Variants in THEMIS observed in about 807,000 individuals in gnomAD.
The protein encoded by THEMIS is thymocyte selection associated, also known as protein THEMIS.
THEMIS carries 37 observed loss-of-function variants against 52.6 expected under a neutral mutation model. That is an observed-to-expected ratio of 0.70 (90% CI 0.54 to 0.93). THEMIS has a LOEUF of 0.93. Among genes scored for constraint, THEMIS ranks in the 40% least tolerant of loss-of-function variants. The pLI, the probability that THEMIS is intolerant of heterozygous loss-of-function variation, is 0.00. For synonymous variants in THEMIS, 292 were observed against 272.7 expected (o/e 1.07, Z -0.70); for missense variants, 808 against 763.1 (o/e 1.06, Z -0.69).
intron 5 of THEMIS, among the ~76,000 whole-genome samples, chr6:127,713,799 T>C (rs1360565096): frequency 3.3e-5 from 5 of 151,454 alleles, no homozygotes; most frequent in Non-Finnish European, 7.4e-5. Flanking sequence ...TCCAGAGTAG[T>C]GAGAAAGGAG....
At position 127,856,673 on chromosome 6, in the gene THEMIS, G is replaced by T. The variant is rs191426327; in HGVS notation, c.92-1485C>A. Among the ~76,000 whole-genome samples, 23 of 152,026 alleles carry T rather than the reference G, an allele frequency of 1.5e-4. No individual in the cohort carries two copies. The East Asian group carries it at 3.7e-3, about 24-fold the overall frequency. On this transcript the variant is annotated intron_variant, in intron 1 of 5. Transcript: ENST00000368248. Reference sequence around the variant, plus strand: ...TAAGGATAGTCTATCCATTCCTCAAGCTTCCGGTACATATTTCCATAACCC... The same window carrying T: ...TAAGGATAGTCTATCCATTCCTCAATCTTCCGGTACATATTTCCATAACCC...
chr6:127,732,745 TGAA>T (rs1241421668), intron 4 of THEMIS, among the ~76,000 whole-genome samples: 3 of 152,214 alleles, frequency 2.0e-5, no homozygotes, highest in Non-Finnish European at 4.4e-5. Context: ...ACTCTACTAC[TGAA>T]GAATATTTGA....
intron 1 of THEMIS, among the ~76,000 whole-genome samples, chr6:127,866,661 A>G (rs1228314572): frequency 6.6e-6 from 1 of 151,974 alleles, no homozygotes; most frequent in East Asian, 1.9e-4. Context: ...TGAGAGATAT[A>G]ATATTTAAAA....
At chr6:127,720,797 C>G (rs1774335889) in intron 4 of THEMIS, among the ~76,000 whole-genome samples, 1 of 151,958 alleles carries the variant, frequency 6.6e-6, no homozygotes. Context: ...TTAAATAATT[C>G]ACTTGAGTTA....
chr6:127,816,883 T>A (rs531142376), intron 3 of THEMIS, among the ~76,000 whole-genome samples: 52 of 152,280 alleles, frequency 3.4e-4, no homozygotes, highest in African/African-American at 1.1e-3. Flanking sequence ...CAGTCAGATC[T>A]TTGCACAGCC....
At chr6:127,722,447 A>G (rs1033087503) in intron 4 of THEMIS, among the ~76,000 whole-genome samples, 3 of 151,218 alleles carry the variant, frequency 2.0e-5, no homozygotes, top group African/African-American at 7.3e-5. Flanking sequence ...CTAACCCTCA[A>G]TTCTCTCTCT....
chr6:127,907,336 G>GTTTTTTTTT (rs1444629822), intron 1 of THEMIS, among the ~76,000 whole-genome samples: 35 of 28,582 alleles, frequency 1.2e-3, no homozygotes, highest in Non-Finnish European at 1.6e-3. Context: ...ATTAGGCTCG[G>GTTTTTTTTT]ATTTTTTTTT....
At chr6:127,706,092 G>C (rs1222681938), downstream of THEMIS, among the ~76,000 whole-genome samples, 2 of 152,070 alleles carry the variant, frequency 1.3e-5, no homozygotes, top group East Asian at 3.9e-4. Flanking sequence ...AGGACTAGAT[G>C]AGTATTTGTC....
chr6:127,781,492 C>G (rs780780246), intron 4 of THEMIS, among the ~76,000 whole-genome samples: 3 of 151,976 alleles, frequency 2.0e-5, no homozygotes, highest in African/African-American at 4.8e-5. Context: ...GAATTTTCAG[C>G]CTTTTTGTGC....
intron 1 of THEMIS, chr6:127,910,062 T>C (rs1055784569): frequency 6.6e-6 from 1 of 152,138 alleles, no homozygotes; most frequent in Non-Finnish European, 1.5e-5. Flanking sequence ...CTCAAAGGGA[T>C]TGAAAAGGTA....
chr6:127,810,671 G>A (rs902423537), intron 4 of THEMIS, among the ~76,000 whole-genome samples: 1 of 152,100 alleles, frequency 6.6e-6, no homozygotes. Flanking sequence ...TGAGTCTGTG[G>A]TATTATGTTA....
At chr6:127,786,241 C>A (rs1362097137) in intron 4 of THEMIS, among the ~76,000 whole-genome samples, 1 of 152,066 alleles carries the variant, frequency 6.6e-6, no homozygotes, top group Non-Finnish European at 1.5e-5. Flanking sequence ...CATATTTGAA[C>A]AGTAAGTAGA....
intron 3 of THEMIS, 86 bp downstream of exon 3, chr6:127,829,390 C>T (rs1778615531): frequency 9.3e-7 from 1 of 1,073,464 alleles, no homozygotes; most frequent in African/African-American, 1.6e-5. Flanking sequence ...TAAAGACAGA[C>T]TCCCATTCTT....
intron 1 of THEMIS, among the ~76,000 whole-genome samples, chr6:127,886,066 T>C (rs1184016117): frequency 3.3e-5 from 5 of 152,180 alleles, no homozygotes; most frequent in African/African-American, 1.2e-4. Flanking sequence ...TCCAGGCTCA[T>C]TGGTTTCTCA....
At chr6:127,853,677 GTAA>G (rs1357041312) in intron 2 of THEMIS, among the ~76,000 whole-genome samples, 1 of 151,564 alleles carries the variant, frequency 6.6e-6, no homozygotes, top group East Asian at 1.9e-4. Flanking sequence ...TCCAATGACA[GTAA>G]TAATATCTTA....
chr6:127,743,864 G>A (rs1187104456), intron 4 of THEMIS, among the ~76,000 whole-genome samples: 1 of 151,954 alleles, frequency 6.6e-6, no homozygotes, highest in Admixed American at 6.6e-5. Context: ...ATGACTACAG[G>A]TATTTCCCTA....
chr6:127,729,613 C>T (rs1262246947), intron 4 of THEMIS, among the ~76,000 whole-genome samples: 1 of 152,136 alleles, frequency 6.6e-6, no homozygotes, highest in Non-Finnish European at 1.5e-5. Flanking sequence ...GACCCTTTCT[C>T]TTCCACTCTT....
chr6:127,850,864 T>C (rs1779398029), intron 2 of THEMIS, among the ~76,000 whole-genome samples: 1 of 151,646 alleles, frequency 6.6e-6, no homozygotes, highest in African/African-American at 2.4e-5. Context: ...AAAAACTACT[T>C]GTAACCCTGA....
upstream of THEMIS, among the ~76,000 whole-genome samples, chr6:127,902,728 T>C (rs765704837): frequency 6.6e-6 from 1 of 152,094 alleles, no homozygotes; most frequent in Non-Finnish European, 1.5e-5. Context: ...AAAAATGTCC[T>C]ACCCTTGATC....
Sources: allele counts gnomAD v4.1 joint callset (sites outside exome capture counted in the v4.1 genomes callset), GRCh38; gene constraint gnomAD v4.1.1; transcripts MANE v1.5; gene names NCBI Gene and HGNC (gene_info 2026-07-23, HGNC 2026-07-21).